DNAH7: variants seen among roughly 807,000 people sequenced by gnomAD.
The protein encoded by DNAH7 is dynein axonemal heavy chain 7.
Under a neutral mutation model 444.6 loss-of-function variants are expected in DNAH7, and 397 were observed. The ratio of observed to expected loss-of-function variants is 0.89; its 90% CI spans 0.82 to 0.97. The LOEUF (loss-of-function observed/expected upper bound fraction) is 0.97. Ranked by LOEUF, DNAH7 falls within the 50% of genes least tolerant of loss-of-function variation. The probability of loss-of-function intolerance (pLI) is 0.00; values close to 1 mark genes in which losing one functional copy is unlikely to be tolerated. For missense variants in DNAH7, 4,902 were observed against 4,800.8 expected, an observed-to-expected ratio of 1.02 and a Z score of -0.62; for synonymous variants, 1,636 against 1,624.4, an observed-to-expected ratio of 1.01 and a Z score of -0.17.
intron 7 of DNAH7, among the ~76,000 whole-genome samples, chr2:196,026,420 G>A (rs1468352817): frequency 1.3e-5 from 2 of 152,140 alleles, no homozygotes; most frequent in Non-Finnish European, 2.9e-5. Context: ...CTGGAATGAA[G>A]AGACCATCTT....
At chr2:195,767,385 A>C (rs556688188) in intron 61 of DNAH7, among the ~76,000 whole-genome samples, 24 of 152,196 alleles carry the variant, frequency 1.6e-4, no homozygotes, top group Non-Finnish European at 3.2e-4. Context: ...ATTTGAAAAG[A>C]AAAGTATATT....
chr2:195,916,623 C>T (rs1162093348), intron 24 of DNAH7, among the ~76,000 whole-genome samples: 1 of 152,016 alleles, frequency 6.6e-6, no homozygotes, highest in Non-Finnish European at 1.5e-5. Context: ...TTTGGGAGGC[C>T]GAGGTGGGTG....
intron 63 of DNAH7, among the ~76,000 whole-genome samples, chr2:195,747,121 AAG>A (rs1320488954): frequency 1.3e-5 from 2 of 152,166 alleles, no homozygotes; most frequent in East Asian, 1.9e-4. Context: ...TAAAGAAGAA[AAG>A]AGAGAAGAAT....
chr2:195,923,221 T>C (rs886617167), intron 23 of DNAH7, among the ~76,000 whole-genome samples: 2 of 152,174 alleles, frequency 1.3e-5, no homozygotes, highest in African/African-American at 4.8e-5. Flanking sequence ...ATACATCCTT[T>C]AGATGCATCA....
At chr2:195,819,384 T>A (rs538129320) in intron 49 of DNAH7, among the ~76,000 whole-genome samples, 1 of 152,290 alleles carries the variant, frequency 6.6e-6, no homozygotes, top group East Asian at 1.9e-4. Context: ...CAGCACAAAG[T>A]CATGCTCCCT....
rs77534053 is a variant in DNAH7 at position 196,058,939 on chromosome 2, C to T, written c.16-823G>A. ...CGAGATTTTACGACTTACTACAAAA[C>T]TACAGTAATAAAGACTGCATTGCTC... On this transcript the variant is annotated intron_variant, in intron 1 of 64. Transcript: ENST00000312428. Among the ~76,000 whole-genome samples the T allele has an allele frequency of 2.0e-4, 30 of 152,294 alleles. 1 individual carries two copies. In the East Asian group the frequency reaches 5.6e-3, roughly 28 times the overall value.
chr2:196,025,790 T>A (rs1392048123), intron 7 of DNAH7, among the ~76,000 whole-genome samples: 2 of 152,156 alleles, frequency 1.3e-5, no homozygotes, highest in Non-Finnish European at 2.9e-5. Flanking sequence ...ATCACCAGGA[T>A]ACTCCATAGA....
chr2:195,878,193 C>G (rs1309958820), intron 36 of DNAH7, among the ~76,000 whole-genome samples: 1 of 152,126 alleles, frequency 6.6e-6, no homozygotes, highest in Non-Finnish European at 1.5e-5. Flanking sequence ...CTTAGCTTGC[C>G]TACATGATGT....
At chr2:195,933,257 G>C (rs192196317) in intron 21 of DNAH7, among the ~76,000 whole-genome samples, 14 of 152,306 alleles carry the variant, frequency 9.2e-5, no homozygotes, top group African/African-American at 3.4e-4. Flanking sequence ...AACAACAGGT[G>C]CTGGAGAGGA....
chr2:195,929,044 T>C (rs1204446518), intron 21 of DNAH7, among the ~76,000 whole-genome samples: 2 of 152,054 alleles, frequency 1.3e-5, no homozygotes, highest in African/African-American at 2.4e-5. Context: ...ATAAAATCAA[T>C]GTACAAAAAT....
intron 12 of DNAH7, among the ~76,000 whole-genome samples, chr2:195,997,250 T>A (rs1355658314): frequency 6.6e-6 from 1 of 152,194 alleles, no homozygotes; most frequent in African/African-American, 2.4e-5. Context: ...TGGTGGCTCA[T>A]GCCTGTAATC....
At chr2:196,035,227 C>A (rs572970106) in intron 5 of DNAH7, among the ~76,000 whole-genome samples, 2 of 152,074 alleles carry the variant, frequency 1.3e-5, no homozygotes, top group South Asian at 2.1e-4. Context: ...AGGAGGAAAT[C>A]TTTGAGAATT....
At chr2:195,807,930 C>T (rs2124849015) in intron 53 of DNAH7, among the ~76,000 whole-genome samples, 1 of 152,264 alleles carries the variant, frequency 6.6e-6, no homozygotes, top group Middle Eastern at 3.4e-3. Context: ...CTCATTCTCA[C>T]ATATAATACA....
Position 195,864,253 on chromosome 2 carries a change from G to GCCACAT in DNAH7, c.7401_7402insATGTGG (p.Ser2467_Gln2468insMetTrp). On this transcript the variant is annotated inframe_insertion, in exon 41 of 65. Transcript: ENST00000312428. ...CTCATGGCAAGGACCACATGCAGTT[G>GCCACAT]GCTGCGGCAATGATCAATAAACATG... The GCCACAT allele has an allele frequency of 6.2e-7, 1 of 1,614,184 alleles. No individual in the cohort carries two copies.
At chr2:195,834,011 A>C (rs1016022289) in intron 48 of DNAH7, among the ~76,000 whole-genome samples, 195 bp downstream of exon 48, 7 of 152,192 alleles carry the variant, frequency 4.6e-5, no homozygotes, top group African/African-American at 1.7e-4. Context: ...GTTTGAGACC[A>C]GCCTAGGCAA....
At chr2:195,961,726 G>T (rs931854357) in intron 17 of DNAH7, among the ~76,000 whole-genome samples, 1 of 152,028 alleles carries the variant, frequency 6.6e-6, no homozygotes, top group African/African-American at 2.4e-5. Flanking sequence ...ACACATTGAG[G>T]ACACAGCATC....
chr2:195,890,370 C>T (rs1246317353), intron 31 of DNAH7, among the ~76,000 whole-genome samples: 2 of 152,124 alleles, frequency 1.3e-5, no homozygotes, highest in South Asian at 2.1e-4. Context: ...GTCTCAAGGA[C>T]CTCACTTTTC....
At chr2:195,859,959 G>A (rs534406431) in intron 42 of DNAH7, among the ~76,000 whole-genome samples, 42 of 152,218 alleles carry the variant, frequency 2.8e-4, no homozygotes, top group Admixed American at 2.0e-3. Flanking sequence ...CCTGGCTGTC[G>A]TGATCTGAAG....
chr2:195,915,570 C>A (rs1472091000), intron 24 of DNAH7, among the ~76,000 whole-genome samples: 5 of 152,162 alleles, frequency 3.3e-5, no homozygotes, highest in South Asian at 2.1e-4. Flanking sequence ...ATCTTTCTAT[C>A]TTTCCTCTTT....
Sources: allele counts gnomAD v4.1 joint callset (sites outside exome capture counted in the v4.1 genomes callset), GRCh38; gene constraint gnomAD v4.1.1; transcripts MANE v1.5; gene names NCBI Gene and HGNC (gene_info 2026-07-23, HGNC 2026-07-21).